DNMBP: variants seen among roughly 807,000 people sequenced by gnomAD.
The protein encoded by DNMBP is dynamin binding protein, also known as dynamin-binding protein.
In DNMBP, 87 loss-of-function variants were observed where a neutral mutation model predicts 150.0. That is an observed-to-expected ratio of 0.58 (90% CI 0.49 to 0.69). The LOEUF (loss-of-function observed/expected upper bound fraction) is 0.69, where lower values mean the gene tolerates loss of function less well. Ranked by LOEUF, DNMBP falls within the 30% of genes least tolerant of loss-of-function variation. DNMBP has a pLI of 0.00. For missense variants in DNMBP, 1,774 were observed against 1,949.0 expected (o/e 0.91, Z 1.69); for synonymous variants, 711 against 750.4 (o/e 0.95, Z 0.86).
intron 1 of DNMBP, among the ~76,000 whole-genome samples, chr10:100,001,489 G>A (rs1208710844): frequency 7.2e-6 from 1 of 138,196 alleles, no homozygotes; most frequent in Non-Finnish European, 1.5e-5. Context: ...ACAACTCACT[G>A]CAACCTCCAC....
intron 1 of DNMBP, among the ~76,000 whole-genome samples, chr10:100,003,222 C>T (rs942899678): frequency 3.9e-5 from 6 of 152,154 alleles, no homozygotes; most frequent in South Asian, 2.1e-4. Flanking sequence ...TGGCACACAC[C>T]GGTAGCCCCA....
rs1004764194 is a variant in DNMBP, at chr10:99,888,679, A to G, written c.3285+146T>C. ...TAACTAACTGAAAGTCATGTTGTGA[A>G]TATCAAACCCCAATATGAATATAGC... is the stretch of plus-strand genomic sequence containing the variant. On this transcript the variant is annotated intron_variant, in intron 12 of 16. Transcript: ENST00000324109. The G allele has an allele frequency of 1.8e-5, 17 of 919,970 alleles. No individual in the cohort carries two copies. The South Asian group carries it at 2.9e-4, about 16-fold the overall frequency. 57.0% of individuals were successfully genotyped at this position (919,970 alleles called of 1,614,324 possible).
chr10:99,884,165 C>A lies in DNMBP; in HGVS notation c.3843G>T (p.Leu1281=), dbSNP rs2039418277. The change falls in exon 15 of 17, where the codon CTG becomes CTT. Residue 1281 remains leucine (L), a synonymous_variant. Coordinates refer to ENST00000324109, the MANE Select transcript of DNMBP (RefSeq NM_015221.4). Reference sequence around the variant, plus strand: ...AGAGTTTTTCAGGGGGATACCTGGCCAGGAGGGAGGCCCGGAGTTCTTCTG... The same window carrying A: ...AGAGTTTTTCAGGGGGATACCTGGCAAGGAGGGAGGCCCGGAGTTCTTCTG... ...LQSEELRASL[L]ARYPPEKLFQ... is the part of the protein sequence containing the mutation. 1 of 1,613,820 alleles carries A rather than the reference C, an allele frequency of 6.2e-7. No individual in the cohort carries two copies. The highest frequency in any genetic ancestry group is 8.5e-7 in the Non-Finnish European group (1 of 1,180,034).
chr10:99,918,008 T>G (rs145781708), intron 4 of DNMBP, among the ~76,000 whole-genome samples: 70 of 148,080 alleles, frequency 4.7e-4, no homozygotes, highest in Non-Finnish European at 9.1e-4. Flanking sequence ...AAGGAAAACA[T>G]TGTTGAAATA....
chr10:99,911,568 G>GA lies in DNMBP; in HGVS notation c.2261-2423dup, dbSNP rs147426542. ...TGCAATGTACTCTTAGTTCATTAAA[G>GA]AAAAAAAAACTGCATGTGGAGAGTG... On this transcript the variant is annotated intron_variant, in intron 4 of 16. Coordinates refer to ENST00000324109, the MANE Select transcript of DNMBP (RefSeq NM_015221.4). Among the ~76,000 whole-genome samples the GA allele has an allele frequency of 7.2e-3, 1,088 of 150,884 alleles. 13 individuals carry two copies. Among genetic ancestry groups the GA allele is most frequent in the African/African-American group, 0.024 (983 of 41,174 alleles).
chr10:99,933,977 C>T (rs1238392814), intron 4 of DNMBP, among the ~76,000 whole-genome samples: 2 of 152,142 alleles, frequency 1.3e-5, no homozygotes, highest in Admixed American at 1.3e-4. Flanking sequence ...ACCTCATGAT[C>T]CCCCTGCCTC....
chr10:99,970,520 T>A (rs1564750244), intron 2 of DNMBP, among the ~76,000 whole-genome samples: 1 of 152,140 alleles, frequency 6.6e-6, no homozygotes, highest in East Asian at 1.9e-4. Context: ...ACAGGATGAA[T>A]CATGCTCCTT....
chr10:99,933,938 G>A (rs1439047822), intron 4 of DNMBP, among the ~76,000 whole-genome samples: 1 of 152,082 alleles, frequency 6.6e-6, no homozygotes, highest in Non-Finnish European at 1.5e-5. Context: ...GGGTTTCACC[G>A]TGTTAGCCAG....
chr10:99,995,517 T>C (rs966456683), intron 1 of DNMBP, among the ~76,000 whole-genome samples: 8 of 152,198 alleles, frequency 5.3e-5, no homozygotes, highest in Middle Eastern at 3.2e-3. Context: ...ACCTACCATA[T>C]ACACTAAGCT....
rs1400729297 is a variant in DNMBP, at chr10:99,956,848, T to C, written c.626A>G (p.Asp209Gly). 5.0e-6 allele frequency: 8 copies of C among 1,614,012 alleles called. No homozygotes were observed. The Admixed American group carries it at 1.3e-4, about 27-fold the overall frequency. ...VELLGPLRTV[D>G]ESVSSGNQDD... ...TTGATTTCCAGAACTTACTGACTCA[T>C]CCACAGTCCTCAGGGGCCCCAACAG... Residue 209 changes from aspartate to glycine, a missense_variant, in exon 4 of 17, where the codon GAT (aspartate) becomes GGT (glycine). This residue lies in a region of DNMBP where 344 missense variants were observed against 456.6 expected (regional missense o/e 0.75). Coordinates refer to ENST00000324109, the MANE Select transcript of DNMBP (RefSeq NM_015221.4).
chr10:99,911,383 C>T (rs537092496), intron 4 of DNMBP, among the ~76,000 whole-genome samples: 1 of 152,066 alleles, frequency 6.6e-6, no homozygotes, highest in South Asian at 2.1e-4. Flanking sequence ...TTGTATTTTG[C>T]CTGTAATTCC....
In DNMBP at chr10:99,988,489, A is replaced by G. The variant is rs1202969369; in HGVS notation, c.-10-16355T>C. Among the ~76,000 whole-genome samples, 3 of 152,180 alleles carry G rather than the reference A, an allele frequency of 2.0e-5. No homozygotes were observed. The East Asian group carries it at 5.8e-4, about 29-fold the overall frequency. On this transcript the variant is annotated intron_variant, in intron 1 of 16. Transcript: ENST00000324109. Reference sequence around the variant, plus strand: ...AGCTTAGAATAGGTAAAATGAGATTAGATAAGTAAATATCTAATGTCTTTA... The same window carrying G: ...AGCTTAGAATAGGTAAAATGAGATTGGATAAGTAAATATCTAATGTCTTTA...
chr10:99,912,497 C>CG (rs1326866001), intron 4 of DNMBP, among the ~76,000 whole-genome samples: 1 of 152,080 alleles, frequency 6.6e-6, no homozygotes, highest in Non-Finnish European at 1.5e-5. Context: ...CCCCACCCCC[C>CG]GAAAATGGGG....
intron 8 of DNMBP, 112 bp downstream of exon 8, chr10:99,898,631 G>T: frequency 8.8e-7 from 1 of 1,139,696 alleles, no homozygotes; most frequent in Non-Finnish European, 1.3e-6. Context: ...CCAGCAAGGT[G>T]AGTCTACTTC....
intron 4 of DNMBP, chr10:99,929,593 T>G: frequency 1.5e-6 from 1 of 648,478 alleles, no homozygotes; most frequent in South Asian, 1.8e-5. Context: ...TTAAGAAGGC[T>G]GGCTGAGTTC....
At chr10:99,969,935 C>A (rs147629431) in intron 2 of DNMBP, among the ~76,000 whole-genome samples, 1 of 152,262 alleles carries the variant, frequency 6.6e-6, no homozygotes, top group African/African-American at 2.4e-5. Flanking sequence ...TTCTAAAATT[C>A]AAATCTGATC....
At chr10:99,991,914 A>G (rs1458113680) in intron 1 of DNMBP, among the ~76,000 whole-genome samples, 1 of 151,368 alleles carries the variant, frequency 6.6e-6, no homozygotes, top group Non-Finnish European at 1.5e-5. Context: ...TCAAAAAAAA[A>G]AAAAAAAAGA....
At position 99,956,634 on chromosome 10, in the gene DNMBP, C is replaced by A. The variant is rs758275310; in HGVS notation, c.840G>T (p.Trp280Cys). 1.2e-6 allele frequency: 2 copies of A among 1,614,072 alleles called. No homozygotes were observed. Among genetic ancestry groups the A allele is most frequent in the Non-Finnish European group, 1.7e-6 (2 of 1,179,962 alleles). ...TCCTGCCCTTCAGGGATCCTTCCAG[C>A]CAGCCATCTTCCAAGGTCGCCAGAA... Reference protein sequence around the residue: ...IRILATLEDGWLEGSLKGRTG... With the variant: ...IRILATLEDGCLEGSLKGRTG... The change falls in exon 4 of 17, where the codon TGG becomes TGT. Residue 280 changes from tryptophan (W) to cysteine (C), a missense_variant. By Grantham distance (215) the Trp-to-Cys change is radical. This residue lies in a region of DNMBP where 344 missense variants were observed against 456.6 expected (regional missense o/e 0.75). Transcript: ENST00000324109.
At chr10:99,884,271 T>C (rs2039421901) in intron 14 of DNMBP, 62 bp from the exon 15 acceptor site, 2 of 1,423,574 alleles carry the variant, frequency 1.4e-6, no homozygotes, top group African/African-American at 1.4e-5. Flanking sequence ...CCATATTTCA[T>C]CCCAACATGT....
Sources: gnomAD v4.1 joint callset for allele counts (sites outside exome capture counted in the v4.1 genomes callset) on GRCh38, gnomAD v4.1.1 for gene constraint, gnomAD v4.1.1 regional missense constraint, MANE v1.5 for transcripts, NCBI Gene and HGNC (gene_info 2026-07-23, HGNC 2026-07-21) for gene names.